Variants in USH2A observed in about 807,000 individuals in gnomAD.
USH2A encodes the protein usherin.
USH2A carries 443 observed loss-of-function variants against 538.9 expected under a neutral mutation model. The ratio of observed to expected loss-of-function variants is 0.82; its 90% CI spans 0.76 to 0.89. The LOEUF (loss-of-function observed/expected upper bound fraction) is 0.89, where lower values mean the gene tolerates loss of function less well. Ranked by LOEUF, USH2A falls within the 40% of genes least tolerant of loss-of-function variation. The pLI, the probability that USH2A is intolerant of heterozygous loss-of-function variation, is 0.00. For synonymous variants in USH2A, 2,413 were observed against 2,273.5 expected (o/e 1.06, Z -1.75); for missense variants, 6,633 against 6,324.8 (o/e 1.05, Z -1.65).
rs904893659 is a variant in USH2A at position 216,170,635 on chromosome 1, T to C, written c.4627+4617A>G. On this transcript the variant is annotated intron_variant, in intron 21 of 71. Transcript: ENST00000307340. ...AGTCAAACCTTCCCCCAAATGATCATGGACCTGTTTTCGCTAATAGGAAAA... is the reference window on the plus strand; with the variant it reads ...AGTCAAACCTTCCCCCAAATGATCACGGACCTGTTTTCGCTAATAGGAAAA... Among the ~76,000 whole-genome samples, 4 of 152,184 alleles carry C rather than the reference T, an allele frequency of 2.6e-5. No individual in the cohort carries two copies. The South Asian group carries it at 8.3e-4, about 32-fold the overall frequency.
At chr1:215,696,145 T>G (rs2102685712) in intron 61 of USH2A, among the ~76,000 whole-genome samples, 1 of 152,260 alleles carries the variant, frequency 6.6e-6, no homozygotes, top group Non-Finnish European at 1.5e-5. Flanking sequence ...AACACATATT[T>G]TGTTTGTTAT....
chr1:216,421,179 G>A (rs2039669946), intron 2 of USH2A, among the ~76,000 whole-genome samples: 1 of 152,142 alleles, frequency 6.6e-6, no homozygotes, highest in Admixed American at 6.6e-5. Flanking sequence ...ATAAGACCCA[G>A]ACTCATTGAA....
intron 32 of USH2A, among the ~76,000 whole-genome samples, chr1:216,016,237 A>T (rs1310318710): frequency 2.6e-5 from 4 of 152,138 alleles, no homozygotes; most frequent in Non-Finnish European, 4.4e-5. Context: ...AGATATACCT[A>T]ATGTAAATGA....
chr1:215,633,080 TAGAAA>T (rs1656361281), intron 70 of USH2A, among the ~76,000 whole-genome samples: 2 of 152,096 alleles, frequency 1.3e-5, no homozygotes, highest in Admixed American at 1.3e-4. Context: ...GTAAATGCTA[TAGAAA>T]AGAAAAGAAG....
intron 64 of USH2A, among the ~76,000 whole-genome samples, chr1:215,659,207 G>C (rs906336295): frequency 1.3e-5 from 2 of 152,194 alleles, no homozygotes; most frequent in Non-Finnish European, 2.9e-5. Context: ...TATCCAGGAG[G>C]TTCTCTCAAC....
intron 11 of USH2A, among the ~76,000 whole-genome samples, 169 bp downstream of exon 11, chr1:216,289,111 T>C (rs1221608536): frequency 6.6e-6 from 1 of 152,210 alleles, no homozygotes; most frequent in Non-Finnish European, 1.5e-5. Context: ...AGTGCTATAT[T>C]TCATGTCCAT....
chr1:215,979,455 A>T (rs902797969), intron 35 of USH2A, among the ~76,000 whole-genome samples: 3 of 152,214 alleles, frequency 2.0e-5, no homozygotes, highest in African/African-American at 7.2e-5. Flanking sequence ...CTGACTAGCG[A>T]CAAGATAAAG....
intron 13 of USH2A, among the ~76,000 whole-genome samples, chr1:216,238,008 C>T (rs886547069): frequency 2.6e-5 from 4 of 152,148 alleles, no homozygotes; most frequent in African/African-American, 9.7e-5. Context: ...AACTTTGATG[C>T]ATTGATTTTT....
intron 52 of USH2A, 134 bp downstream of exon 52, chr1:215,786,536 C>A: frequency 1.1e-6 from 1 of 934,188 alleles, no homozygotes; most frequent in Non-Finnish European, 1.7e-6. Context: ...TTGTAACTAG[C>A]TGGCCTCAAA....
In USH2A at chr1:215,845,855, A is replaced by C; in HGVS notation, c.9024T>G (p.Ser3008Arg). ...CGCAAGTGGTTGCATGAAGTCCTGC[A>C]CTGTTGATGCTGTGGACTCCATTGA... is the stretch of plus-strand genomic sequence containing the variant. Reference protein sequence around the residue: ...SVFNGVHSINSAGLHATTCDG... With the variant: ...SVFNGVHSINRAGLHATTCDG... The change falls in exon 45 of 72, where the codon AGT becomes AGG. Residue 3008 changes from serine (S) to arginine (R), a missense_variant. By Grantham distance (110) the Ser-to-Arg change is moderately radical. Transcript: ENST00000307340. 6.2e-7 allele frequency: 1 copy of C among 1,613,886 alleles called. No homozygotes were observed. The highest frequency in any genetic ancestry group is 8.5e-7 in the Non-Finnish European group (1 of 1,179,882).
chr1:216,183,377 G>A (rs766988368), intron 20 of USH2A, among the ~76,000 whole-genome samples: 19 of 151,560 alleles, frequency 1.3e-4, no homozygotes, highest in Admixed American at 5.3e-4. Context: ...AAAAAAAAAA[G>A]CATTTAAAAA....
At chr1:215,657,823 G>A (rs754503357) in intron 64 of USH2A, among the ~76,000 whole-genome samples, 5 of 151,958 alleles carry the variant, frequency 3.3e-5, no homozygotes, top group Admixed American at 1.3e-4. Context: ...TTCTCATACC[G>A]CCTTGCTCTT....
At chr1:216,359,317 T>C (rs1175433300) in intron 4 of USH2A, among the ~76,000 whole-genome samples, 2 of 152,128 alleles carry the variant, frequency 1.3e-5, no homozygotes, top group East Asian at 3.8e-4. Context: ...TAAAAATAGT[T>C]ACCACTTAAT....
At chr1:215,804,709 T>C (rs1357169572) in intron 49 of USH2A, among the ~76,000 whole-genome samples, 2 of 152,024 alleles carry the variant, frequency 1.3e-5, no homozygotes, top group African/African-American at 2.4e-5. Context: ...GTTCAACCAT[T>C]GTGGAAGTCA....
At chr1:215,857,787 G>T (rs1386827357) in intron 44 of USH2A, among the ~76,000 whole-genome samples, 2 of 151,860 alleles carry the variant, frequency 1.3e-5, no homozygotes, top group Admixed American at 6.6e-5. Flanking sequence ...GTAGAAGAGG[G>T]GCAGCATCAG....
intron 14 of USH2A, among the ~76,000 whole-genome samples, chr1:216,221,703 T>G (rs2035460661): frequency 6.6e-6 from 1 of 152,216 alleles, no homozygotes; most frequent in Non-Finnish European, 1.5e-5. Context: ...TCCAGGCAGC[T>G]TGCTCAGCAA....
intron 20 of USH2A, among the ~76,000 whole-genome samples, chr1:216,186,421 T>C (rs1401592292): frequency 2.0e-5 from 3 of 151,810 alleles, no homozygotes; most frequent in Non-Finnish European, 2.9e-5. Context: ...ATTCTCCTTC[T>C]AGAATTCTCT....
intron 21 of USH2A, among the ~76,000 whole-genome samples, chr1:216,097,804 T>C (rs2032476601): frequency 6.6e-6 from 1 of 152,198 alleles, no homozygotes; most frequent in South Asian, 2.1e-4. Context: ...TCTTTTCTCA[T>C]AGAAATTTCC....
intron 41 of USH2A, among the ~76,000 whole-genome samples, chr1:215,886,419 T>C (rs1665059124): frequency 6.6e-6 from 1 of 152,230 alleles, no homozygotes; most frequent in Admixed American, 6.5e-5. Context: ...AGGACAGATA[T>C]GTTATCTTAA....
Sources: allele counts gnomAD v4.1 joint callset (sites outside exome capture counted in the v4.1 genomes callset), GRCh38; gene constraint gnomAD v4.1.1; transcripts MANE v1.5; gene names NCBI Gene and HGNC (gene_info 2026-07-23, HGNC 2026-07-21).